The following CCSER1 variants were observed in gnomAD, a reference collection of about 807,000 sequenced individuals.
CCSER1 encodes the protein coiled-coil serine rich protein 1.
A neutral mutation model predicts 82.0 loss-of-function variants in CCSER1; 41 were observed. The observed-to-expected ratio is 0.50, with a 90% CI of 0.39 to 0.65. The LOEUF is 0.65. CCSER1 is among the 30% of genes least tolerant of loss of function. The pLI is 0.00. For synonymous variants in CCSER1, 414 were observed against 383.9 expected, an observed-to-expected ratio of 1.08 and a Z score of -0.92; for missense variants, 1,119 against 1,064.2, an observed-to-expected ratio of 1.05 and a Z score of -0.72.
At chr4:91,568,912 ACAC>A in intron 10 of CCSER1, among the ~76,000 whole-genome samples, 1 of 152,220 alleles carries the variant, frequency 6.6e-6, no homozygotes, top group East Asian at 1.9e-4. Flanking sequence ...AGGACATGTG[ACAC>A]CCTGGCCATT....
Position 90,628,013 on chromosome 4 carries a change from T to A in CCSER1, c.1725-12T>A, listed in dbSNP as rs199641542. ...GCACTGTAATTTTTGTTCTTTTTTT[T>A]TTTCTTGTTAGGAATCTTTCCCTGA... On this transcript the variant is annotated splice_polypyrimidine_tract_variant and intron_variant, in intron 5 of 10. Coordinates refer to ENST00000509176, the MANE Select transcript of CCSER1 (RefSeq NM_001145065.2). 2 of 1,611,600 alleles carry A rather than the reference T, an allele frequency of 1.2e-6. No homozygotes were observed.
At chr4:91,045,972 C>A (rs13107749) in intron 9 of CCSER1, among the ~76,000 whole-genome samples, 196 of 117,580 alleles carry the variant, frequency 1.7e-3, no homozygotes, top group Middle Eastern at 0.013. Flanking sequence ...GTTCTCTGGC[C>A]GGCAGGGGCA....
chr4:90,757,999 T>C (rs1376768274), intron 7 of CCSER1, among the ~76,000 whole-genome samples: 3 of 150,542 alleles, frequency 2.0e-5, no homozygotes, highest in Non-Finnish European at 4.4e-5. Context: ...AGTGCAATGG[T>C]GCAATCTTTG....
At chr4:91,579,141 T>C (rs1763604352) in intron 10 of CCSER1, among the ~76,000 whole-genome samples, 2 of 151,570 alleles carry the variant, frequency 1.3e-5, no homozygotes, top group Non-Finnish European at 2.9e-5. Context: ...TATTATTGTT[T>C]TTAAACCTTT....
chr4:91,080,664 C>A (rs1400556598), intron 9 of CCSER1, among the ~76,000 whole-genome samples: 1 of 151,914 alleles, frequency 6.6e-6, no homozygotes, highest in Non-Finnish European at 1.5e-5. Context: ...ATTGATAGAC[C>A]ACTAGCAAGA....
At chr4:91,236,507 A>T (rs1739023064) in intron 10 of CCSER1, among the ~76,000 whole-genome samples, 1 of 152,090 alleles carries the variant, frequency 6.6e-6, no homozygotes, top group African/African-American at 2.4e-5. Flanking sequence ...AAGAAAAAAA[A>T]ATTGGTAACT....
At chr4:90,640,348 A>G (rs1726259759) in intron 6 of CCSER1, among the ~76,000 whole-genome samples, 1 of 152,188 alleles carries the variant, frequency 6.6e-6, no homozygotes. Flanking sequence ...TTTTAAAAAT[A>G]GCTTTTAAAG....
chr4:90,359,679 G>A (rs1744944201), intron 3 of CCSER1, among the ~76,000 whole-genome samples: 1 of 151,870 alleles, frequency 6.6e-6, no homozygotes, highest in South Asian at 2.1e-4. Flanking sequence ...GGAGGTTGCA[G>A]TGAGCCGACA....
At chr4:90,358,823 C>T (rs1285712577) in intron 3 of CCSER1, among the ~76,000 whole-genome samples, 1 of 152,014 alleles carries the variant, frequency 6.6e-6, no homozygotes, top group Non-Finnish European at 1.5e-5. Context: ...GTTGGGATGC[C>T]AGTTATGAAT....
intron 10 of CCSER1, among the ~76,000 whole-genome samples, chr4:91,164,679 T>C (rs1218554024): frequency 6.6e-6 from 1 of 152,220 alleles, no homozygotes; most frequent in Non-Finnish European, 1.5e-5. Context: ...TTTCATTCAT[T>C]TGATCTTCCA....
At chr4:90,360,300 G>A (rs1352924043) in intron 3 of CCSER1, among the ~76,000 whole-genome samples, 1 of 149,256 alleles carries the variant, frequency 6.7e-6, no homozygotes, top group Non-Finnish European at 1.5e-5. Flanking sequence ...AGGCCGAGGC[G>A]GGCGGATCAC....
chr4:90,845,129 G>A lies in CCSER1; in HGVS notation c.2094+29284G>A, dbSNP rs1470425022. ...TGTAACCCCAACACTCTGGGGGGCC[G>A]AGGCAGGCAGATCATGAGGTCAGGA... On this transcript the variant is annotated intron_variant, in intron 8 of 10. Coordinates refer to ENST00000509176, the MANE Select transcript of CCSER1 (RefSeq NM_001145065.2). Among the ~76,000 whole-genome samples the A allele has an allele frequency of 3.3e-5, 5 of 152,108 alleles. No homozygotes were observed. In the East Asian group the frequency reaches 7.7e-4, roughly 23 times the overall value.
chr4:90,788,114 A>G (rs1010526272), intron 7 of CCSER1, among the ~76,000 whole-genome samples: 1 of 152,178 alleles, frequency 6.6e-6, no homozygotes, highest in African/African-American at 2.4e-5. Flanking sequence ...ATATTATCCT[A>G]TGTTAGAAAT....
chr4:91,580,882 A>C (rs140236825), intron 10 of CCSER1, among the ~76,000 whole-genome samples: 1 of 151,768 alleles, frequency 6.6e-6, no homozygotes, highest in Non-Finnish European at 1.5e-5. Context: ...ACAACCATAC[A>C]TCTTCATTTT....
chr4:91,482,037 C>T (rs1025169834), intron 10 of CCSER1, among the ~76,000 whole-genome samples: 8 of 151,954 alleles, frequency 5.3e-5, no homozygotes, highest in African/African-American at 9.7e-5. Context: ...TCATCACTGG[C>T]GATCAGAGAG....
chr4:90,172,317 TG>T (rs1271271139), intron 1 of CCSER1, among the ~76,000 whole-genome samples: 1 of 151,830 alleles, frequency 6.6e-6, no homozygotes, highest in Non-Finnish European at 1.5e-5. Context: ...CAGAGAAAGT[TG>T]AAATAAAAGA....
At chr4:90,894,599 GTCT>G (rs2150125694) in intron 8 of CCSER1, among the ~76,000 whole-genome samples, 1 of 151,680 alleles carries the variant, frequency 6.6e-6, no homozygotes, top group East Asian at 1.9e-4. Flanking sequence ...CCCCTTTTTT[GTCT>G]TCTTCTCAAC....
intron 10 of CCSER1, among the ~76,000 whole-genome samples, chr4:91,144,501 C>A (rs1201533233): frequency 1.3e-5 from 2 of 151,432 alleles, no homozygotes; most frequent in East Asian, 3.9e-4. Flanking sequence ...TCTTATGGTA[C>A]CTTTGGGGCT....
intron 10 of CCSER1, among the ~76,000 whole-genome samples, chr4:91,400,525 T>C (rs1459149342): frequency 6.7e-6 from 1 of 149,196 alleles, no homozygotes; most frequent in African/African-American, 2.5e-5. Context: ...TGATCATTTA[T>C]TATCTAGGAT....
Sources: allele counts gnomAD v4.1 joint callset (sites outside exome capture counted in the v4.1 genomes callset), GRCh38; gene constraint gnomAD v4.1.1; transcripts MANE v1.5; gene names NCBI Gene and HGNC (gene_info 2026-07-23, HGNC 2026-07-21).